DIAPH2: variants seen among roughly 807,000 people sequenced by gnomAD.
The protein encoded by DIAPH2 is diaphanous related formin 2, also known as protein diaphanous homolog 2.
A neutral mutation model predicts 92.7 loss-of-function variants in DIAPH2; 35 were observed. That is an observed-to-expected ratio of 0.38 (90% CI 0.29 to 0.50). The LOEUF (loss-of-function observed/expected upper bound fraction) is 0.50, where lower values mean the gene tolerates loss of function less well. DIAPH2 is among the 20% of genes least tolerant of loss of function. The pLI is 0.94. For synonymous variants in DIAPH2, 301 were observed against 280.4 expected, an observed-to-expected ratio of 1.07 and a Z score of -0.73; for missense variants, 701 against 819.5, an observed-to-expected ratio of 0.86 and a Z score of 1.77.
intron 23 of DIAPH2, among the ~76,000 whole-genome samples, chrX:97,321,835 C>T (rs934757392): frequency 9.0e-5 from 10 of 111,425 alleles, no homozygotes; most frequent in Non-Finnish European, 9.4e-5. Flanking sequence ...AGGCGTGAGC[C>T]ACCGCGCCCG....
At chrX:96,903,982 T>C (rs906183418) in intron 5 of DIAPH2, among the ~76,000 whole-genome samples, 24 of 112,366 alleles carry the variant, frequency 2.1e-4, no homozygotes, top group African/African-American at 7.4e-4. Context: ...ATTTTGTAAA[T>C]ATGTAAGAGG....
intron 26 of DIAPH2, among the ~76,000 whole-genome samples, chrX:97,539,090 TG>T (rs2071119559): frequency 8.9e-6 from 1 of 112,090 alleles, no homozygotes; most frequent in East Asian, 2.8e-4. Flanking sequence ...TTAAGACAAC[TG>T]GTTTTGTAAC....
intron 19 of DIAPH2, among the ~76,000 whole-genome samples, 199 bp from the exon 20 acceptor site, chrX:97,099,495 A>T (rs1371884740): frequency 8.9e-6 from 1 of 111,821 alleles, no homozygotes; most frequent in Non-Finnish European, 1.9e-5. Flanking sequence ...AAACAAGTTT[A>T]TACGTTTTAT....
chrX:96,877,475 C>T (rs1332712159), intron 4 of DIAPH2, among the ~76,000 whole-genome samples: 1 of 111,643 alleles, frequency 9.0e-6, no homozygotes, highest in East Asian at 2.8e-4. Context: ...ATCCCTGATA[C>T]TAATTGCTAT....
chrX:97,210,676 G>A (rs1016808068), intron 22 of DIAPH2, among the ~76,000 whole-genome samples: 3 of 111,384 alleles, frequency 2.7e-5, no homozygotes, highest in Non-Finnish European at 3.8e-5. Context: ...GATTGAGACC[G>A]GGAGCTACTG....
At chrX:96,873,187 G>C (rs1402423213) in intron 4 of DIAPH2, among the ~76,000 whole-genome samples, 1 of 111,422 alleles carries the variant, frequency 9.0e-6, no homozygotes, top group East Asian at 2.8e-4. Context: ...GCATGATGTT[G>C]AGCACCTTTT....
chrX:96,738,497 C>T (rs1602466285), intron 2 of DIAPH2, 89 bp from the exon 3 acceptor site: 1 of 731,761 alleles, frequency 1.4e-6, no homozygotes, highest in Non-Finnish European at 2.0e-6. Flanking sequence ...ATGTATTATA[C>T]TAAGTGCCGT....
At chrX:97,170,879 A>ATTT (rs1470102316) in intron 22 of DIAPH2, among the ~76,000 whole-genome samples, 1 of 109,650 alleles carries the variant, frequency 9.1e-6, no homozygotes. Flanking sequence ...TTATTTATTT[A>ATTT]TTTATTTATT....
chrX:97,010,354 G>C (rs2066216251), intron 17 of DIAPH2, among the ~76,000 whole-genome samples: 1 of 111,130 alleles, frequency 9.0e-6, no homozygotes, highest in South Asian at 3.9e-4. Flanking sequence ...GATAGGGATG[G>C]GGGGGATGGT....
At chrX:97,385,902 C>T (rs1195212367) in intron 25 of DIAPH2, among the ~76,000 whole-genome samples, 1 of 111,789 alleles carries the variant, frequency 8.9e-6, no homozygotes, top group African/African-American at 3.2e-5. Context: ...AAGTAACTTG[C>T]CCAAGGTCAC....
chrX:97,213,998 T>C (rs1357181189), intron 22 of DIAPH2, among the ~76,000 whole-genome samples: 2 of 111,643 alleles, frequency 1.8e-5, no homozygotes, highest in Non-Finnish European at 3.8e-5. Flanking sequence ...TCTTTGAGGA[T>C]GAGTAGGAAA....
At chrX:96,839,101 G>A (rs999886232) in intron 4 of DIAPH2, among the ~76,000 whole-genome samples, 1 of 111,427 alleles carries the variant, frequency 9.0e-6, no homozygotes, top group African/African-American at 3.3e-5. Context: ...TAACCTGTAA[G>A]GAAGGGATTT....
At position 97,564,920 on chromosome X, in the gene DIAPH2, C is replaced by T. The variant is rs2071316458; in HGVS notation, c.3242-34333C>T. On this transcript the variant is annotated intron_variant, in intron 26 of 26. Transcript: ENST00000324765. ...ACAAAGCATCCCTTGGTGACTCCCA[C>T]CAAAAATAGAATCACAAGGCTAAAT... Among the ~76,000 whole-genome samples, 3 of 111,767 alleles carry T rather than the reference C, an allele frequency of 2.7e-5. 1 individual carries two copies. In the Middle Eastern group the frequency reaches 0.014, roughly 515 times the overall value.
intron 8 of DIAPH2, 143 bp from the exon 9 acceptor site, chrX:96,918,365 AG>A (rs2065518887): frequency 2.5e-6 from 1 of 404,067 alleles, no homozygotes; most frequent in Non-Finnish European, 4.3e-6. Context: ...CCATCAAAAA[AG>A]CAAATGATAA....
chrX:97,509,814 C>T (rs988546642), intron 26 of DIAPH2, among the ~76,000 whole-genome samples: 13 of 110,156 alleles, frequency 1.2e-4, no homozygotes, highest in African/African-American at 3.6e-4. Flanking sequence ...CAATTTCATC[C>T]ATGTCCCTAA....
intron 4 of DIAPH2, among the ~76,000 whole-genome samples, chrX:96,790,458 A>G (rs2064491949): frequency 1.8e-5 from 2 of 111,799 alleles, no homozygotes; most frequent in Middle Eastern, 4.6e-3. Flanking sequence ...TTACTGCTTC[A>G]TGTGTTTTTC....
chrX:96,919,746 T>C (rs1300035166), intron 9 of DIAPH2, among the ~76,000 whole-genome samples: 2 of 111,519 alleles, frequency 1.8e-5, no homozygotes, highest in Non-Finnish European at 3.8e-5. Context: ...GAATCTGTAA[T>C]GTTACAAAAT....
intron 17 of DIAPH2, among the ~76,000 whole-genome samples, chrX:97,016,975 C>T (rs188878407): frequency 9.0e-5 from 10 of 111,558 alleles, no homozygotes; most frequent in South Asian, 3.8e-4. Context: ...ATCCTTGGCA[C>T]GACTGGCAGT....
intron 12 of DIAPH2, 86 bp from the exon 13 acceptor site, chrX:96,941,932 G>A: frequency 1.9e-6 from 1 of 538,096 alleles, no homozygotes; most frequent in South Asian, 2.9e-5. Flanking sequence ...AAAAGACCTA[G>A]TTCTTCTAAT....
Sources: allele counts gnomAD v4.1 joint callset (sites outside exome capture counted in the v4.1 genomes callset), GRCh38; gene constraint gnomAD v4.1.1; transcripts MANE v1.5; gene names NCBI Gene and HGNC (gene_info 2026-07-23, HGNC 2026-07-21).